Variants in USHBP1 observed in about 807,000 individuals in gnomAD.
USHBP1 encodes the protein USH1 protein network component harmonin binding protein 1.
In USHBP1, 67 loss-of-function variants were observed where a neutral mutation model predicts 76.2. The ratio of observed to expected loss-of-function variants is 0.88; its 90% CI spans 0.72 to 1.08. The LOEUF (loss-of-function observed/expected upper bound fraction) is 1.08, where lower values mean the gene tolerates loss of function less well. Among genes scored for constraint, USHBP1 ranks in the 50% least tolerant of loss-of-function variants. The pLI is 0.00. For missense variants in USHBP1, 931 were observed against 915.0 expected (o/e 1.02, Z -0.23); for synonymous variants, 322 against 362.2 (o/e 0.89, Z 1.26).
intron 11 of USHBP1, 68 bp from the exon 12 acceptor site, chr19:17,251,772 C>T (rs988868743): frequency 3.1e-6 from 5 of 1,601,812 alleles, no homozygotes; most frequent in Admixed American, 3.3e-5. Context: ...CTCCTCCTAC[C>T]CACCTGCCCA....
chr19:17,252,340 C>T (rs981191401), intron 10 of USHBP1, among the ~76,000 whole-genome samples: 1 of 152,026 alleles, frequency 6.6e-6, no homozygotes, highest in Admixed American at 6.6e-5. Context: ...GGATTACAGA[C>T]ACATGCCACC....
chr19:17,251,850 C>T lies in USHBP1; in HGVS notation c.1799+61G>A, dbSNP rs552057711. ...TAGCTTCTACTGCAGACGACACCCC[C>T]GGGGGCTCTCACATAGGCTGCCTGC... On this transcript the variant is annotated intron_variant, in intron 11 of 12. Transcript: ENST00000252597. 1.2e-4 allele frequency: 176 copies of T among 1,515,486 alleles called. 5 individuals carry two copies. The South Asian group carries it at 1.7e-3, about 15-fold the overall frequency. The allele number at this position is 1,515,486 out of a possible 1,614,324, so 93.9% of individuals were successfully genotyped here. A position where few individuals can be genotyped will look rare whatever the true frequency, so the allele number is the denominator to read the frequency against.
chr19:17,255,374 G>A lies in USHBP1; in HGVS notation c.1692+11C>T, dbSNP rs772328693. On this transcript the variant is annotated intron_variant, in intron 10 of 12. Coordinates refer to ENST00000252597, the MANE Select transcript of USHBP1 (RefSeq NM_031941.4). ...GCTACTCCCCTACCAGGTTCAGGCAGGGCAGCTCACCTGATACCACTCTTC... is the reference window on the plus strand; with the variant it reads ...GCTACTCCCCTACCAGGTTCAGGCAAGGCAGCTCACCTGATACCACTCTTC... 2.5e-6 allele frequency: 4 copies of A among 1,611,700 alleles called. No homozygotes were observed. The South Asian group carries it at 4.4e-5, about 18-fold the overall frequency.
rs1212271801 is a variant in USHBP1, at chr19:17,264,254, C to A, written c.46G>T (p.Ala16Ser). The A allele has an allele frequency of 6.2e-7, 1 of 1,613,924 alleles. No homozygotes were observed. The highest frequency in any genetic ancestry group is 1.7e-5 in the Admixed American group (1 of 59,972). ...TRPRSRRGRH[A>S]PPGELDPVAE... ...GAGAGGGTGACACTTACGGGTGGAG[C>A]ATGCCTCCCTCGCCGGCTTCGGGGC... Residue 16 changes from alanine to serine, a missense_variant, in exon 2 of 13, where the codon GCT becomes TCT. Physicochemically the swap from Ala to Ser is moderately conservative, Grantham distance 99. Transcript: ENST00000252597.
At position 17,262,653 on chromosome 19, in the gene USHBP1, C is replaced by T; in HGVS notation, c.541G>A (p.Ala181Thr). ...REAARLAERN[A>T]WLRLALSSRE... ...CTACTCAGGGCCAGCCGGAGCCAGG[C>T]ATTCCTCTCGGCCAGGCGAGCTGCC... Residue 181 changes from alanine (A) to threonine (T), a missense_variant, in exon 4 of 13, where the codon GCC (alanine) becomes ACC (threonine). Physicochemically the swap from Ala to Thr is moderately conservative, Grantham distance 58. Coordinates refer to ENST00000252597, the MANE Select transcript of USHBP1 (RefSeq NM_031941.4). 1 of 1,614,032 alleles carries T rather than the reference C, an allele frequency of 6.2e-7. No homozygotes were observed.
At chr19:17,253,315 A>G (rs1465599346) in intron 10 of USHBP1, among the ~76,000 whole-genome samples, 1 of 57,604 alleles carries the variant, frequency 1.7e-5, no homozygotes. Flanking sequence ...TTTTTTTGAG[A>G]CGGAGTCTCG....
intron 8 of USHBP1, among the ~76,000 whole-genome samples, chr19:17,257,582 C>T (rs1308361209): frequency 7.1e-6 from 1 of 141,186 alleles, no homozygotes; most frequent in Non-Finnish European, 1.5e-5. Context: ...GCAGAGGTTG[C>T]AGTGAGCCGA....
At chr19:17,264,418 C>G (rs772067791) in intron 1 of USHBP1, 71 bp from the exon 2 acceptor site, 56 of 1,243,288 alleles carry the variant, frequency 4.5e-5, no homozygotes, top group Non-Finnish European at 6.0e-5. Context: ...ATTTCCTCTG[C>G]TGTGAAATGG....
chr19:17,263,112 A>C, intron 3 of USHBP1, 122 bp from the exon 4 acceptor site: 1 of 980,174 alleles, frequency 1.0e-6, no homozygotes, highest in Non-Finnish European at 1.4e-6. Flanking sequence ...ATCTCGGCTC[A>C]CTGCAACCTC....
chr19:17,254,253 A>G (rs2073590720), intron 10 of USHBP1, among the ~76,000 whole-genome samples: 1 of 151,954 alleles, frequency 6.6e-6, no homozygotes, highest in East Asian at 1.9e-4. Context: ...AGGCGGAGGC[A>G]GGAGAATGGC....
intron 12 of USHBP1, among the ~76,000 whole-genome samples, chr19:17,250,993 T>G (rs2073543610): frequency 6.6e-6 from 1 of 152,124 alleles, no homozygotes; most frequent in Non-Finnish European, 1.5e-5. Flanking sequence ...ACCGAGTAGC[T>G]GGGATCACAG....
In USHBP1 at chr19:17,259,662, G is replaced by C. The variant is rs774951268; in HGVS notation, c.839C>G (p.Ser280Cys). 1.2e-6 allele frequency: 2 copies of C among 1,614,050 alleles called. No homozygotes were observed. The highest frequency in any genetic ancestry group is 1.7e-6 in the Non-Finnish European group (2 of 1,180,010). Residue 280 changes from serine to cysteine, a missense_variant, in exon 6 of 13, where the codon TCT becomes TGT. Ser to Cys is a moderately radical substitution (Grantham distance 112). Coordinates refer to ENST00000252597, the MANE Select transcript of USHBP1 (RefSeq NM_031941.4). ...AGGACTGAGGGGCTGGTTGGGAAGA[G>C]ACCCAAGGATCTGGGTGCTGGAATG... ...RSHSSTQILGSLPNQPLSPEM... is the reference protein window; with the variant it reads ...RSHSSTQILGCLPNQPLSPEM...
chr19:17,253,500 A>G (rs1268295596), intron 10 of USHBP1, among the ~76,000 whole-genome samples: 1 of 147,486 alleles, frequency 6.8e-6, no homozygotes, highest in African/African-American at 2.5e-5. Context: ...CATGTTGGCC[A>G]GGCTGGTCTT....
intron 3 of USHBP1, chr19:17,263,346 G>T: frequency 5.4e-6 from 1 of 184,128 alleles, no homozygotes. Context: ...CCCTGGGCAG[G>T]GAATTCTGAG....
Position 17,260,078 on chromosome 19 carries a change from C to G in USHBP1, c.643-56G>C, listed in dbSNP as rs1173488569. ...GGGGCTCAAACCAACCACCAGCCCT[C>G]TCTCCCCAAGGCCTGTTCTTGGGGA... On this transcript the variant is annotated intron_variant, in intron 4 of 12. Coordinates refer to ENST00000252597, the MANE Select transcript of USHBP1 (RefSeq NM_031941.4). 1.3e-5 allele frequency: 21 copies of G among 1,571,656 alleles called. No individual in the cohort carries two copies. The East Asian group carries it at 4.3e-4, about 32-fold the overall frequency.
rs2073622490 is a variant in USHBP1 at position 17,256,596 on chromosome 19, A to G, written c.1345T>C (p.Leu449=). 6.2e-7 allele frequency: 1 copy of G among 1,614,074 alleles called. No individual in the cohort carries two copies. Among genetic ancestry groups the G allele is most frequent in the African/African-American group, 1.3e-5 (1 of 74,940 alleles). ...CGGGGCACAGTGGGCATGGGTGCCA[A>G]GGTGGGGCCAGGCTCTGAGAGAATC... is the stretch of plus-strand genomic sequence containing the variant. ...MKILSEPGPT[L]APMPTVPRAE... Residue 449 remains leucine (L), a synonymous_variant, in exon 9 of 13, where the codon TTG becomes CTG. Transcript: ENST00000252597.
chr19:17,252,406 G>A (rs942222814), intron 10 of USHBP1, among the ~76,000 whole-genome samples: 1 of 151,858 alleles, frequency 6.6e-6, no homozygotes, highest in Admixed American at 6.6e-5. Context: ...ATGTTGGCCA[G>A]GCTGGTCTCG....
At chr19:17,252,075 C>A in intron 10 of USHBP1, 58 bp from the exon 11 acceptor site, 1 of 1,489,648 alleles carries the variant, frequency 6.7e-7, no homozygotes, top group Non-Finnish European at 9.1e-7. Context: ...CGTGCTTGGC[C>A]CACACTGGAC....
intron 9 of USHBP1, 140 bp downstream of exon 9, chr19:17,256,331 A>C (rs2145584512): frequency 7.5e-7 from 1 of 1,336,288 alleles, no homozygotes; most frequent in African/African-American, 1.5e-5. Context: ...TAATCCCTCA[A>C]AACCCCAGCT....
Sources: gnomAD v4.1 joint callset for allele counts (sites outside exome capture counted in the v4.1 genomes callset) on GRCh38, gnomAD v4.1.1 for gene constraint, MANE v1.5 for transcripts, NCBI Gene and HGNC (gene_info 2026-07-23, HGNC 2026-07-21) for gene names.